AQR: variants seen among roughly 807,000 people sequenced by gnomAD.
The protein encoded by AQR is RNA helicase aquarius.
A neutral mutation model predicts 180.5 loss-of-function variants in AQR; 61 were observed. That is an observed-to-expected ratio of 0.34 (90% CI 0.28 to 0.42). The LOEUF (loss-of-function observed/expected upper bound fraction) is 0.42. AQR is among the 10% of genes least tolerant of loss of function. The pLI is 1.00. For missense variants in AQR, 1,281 were observed against 1,798.3 expected (o/e 0.71, Z 5.20); for synonymous variants, 551 against 588.8 (o/e 0.94, Z 0.93).
chr15:34,889,957 T>C (rs1267815073), intron 24 of AQR, among the ~76,000 whole-genome samples: 2 of 152,152 alleles, frequency 1.3e-5, no homozygotes, highest in Non-Finnish European at 2.9e-5. Flanking sequence ...CAAAAGGCAA[T>C]CTGTTAAAAA....
At chr15:34,943,671 T>C (rs1894064893) in intron 6 of AQR, among the ~76,000 whole-genome samples, 1 of 152,080 alleles carries the variant, frequency 6.6e-6, no homozygotes, top group African/African-American at 2.4e-5. Flanking sequence ...GAATTATCAA[T>C]TCAGAGGCAC....
At chr15:34,941,202 T>C (rs1421453785) in intron 7 of AQR, among the ~76,000 whole-genome samples, 1 of 152,212 alleles carries the variant, frequency 6.6e-6, no homozygotes, top group Non-Finnish European at 1.5e-5. Context: ...CTCTTGTTAA[T>C]AAAAATACAA....
chr15:34,933,668 T>C (rs1193644708), intron 10 of AQR, among the ~76,000 whole-genome samples: 3 of 152,202 alleles, frequency 2.0e-5, no homozygotes, highest in African/African-American at 7.2e-5. Flanking sequence ...GTTTAATAAC[T>C]ATACTATGTA....
At chr15:34,932,554 A>AT in intron 10 of AQR, 120 bp from the exon 11 acceptor site, 1 of 679,246 alleles carries the variant, frequency 1.5e-6, no homozygotes, top group Non-Finnish European at 2.5e-6. Flanking sequence ...CAACCTTCCA[A>AT]TAGACACACT....
rs187610278 is a variant in AQR at position 34,856,268 on chromosome 15, A to G, written c.*524T>C. ...GGCATTCTAAGATTTGAGAGAAGGA[A>G]ATGCATGTAACCACTTTGATAGATT... On this transcript the variant is annotated 3_prime_UTR_variant, in exon 35 of 35. Coordinates refer to ENST00000156471, the MANE Select transcript of AQR (RefSeq NM_014691.3). 1.3e-5 allele frequency: 4 copies of G among 308,392 alleles called. No individual in the cohort carries two copies. In the East Asian group the frequency reaches 2.0e-4, roughly 16 times the overall value. The allele number at this position is 308,392 out of a possible 1,614,324, so 19.1% of individuals were successfully genotyped here.
At chr15:34,867,418 T>C in intron 32 of AQR, 106 bp downstream of exon 32, 1 of 943,154 alleles carries the variant, frequency 1.1e-6, no homozygotes, top group South Asian at 1.5e-5. Context: ...TGCCTAGTAA[T>C]TATAGTTTAA....
Position 34,930,372 on chromosome 15 carries a change from C to CT in AQR, c.901-2dup, listed in dbSNP as rs750372473. The CT allele has an allele frequency of 4.6e-6, 7 of 1,516,200 alleles. No individual in the cohort carries two copies. Among genetic ancestry groups the CT allele is most frequent in the African/African-American group, 1.4e-5 (1 of 72,998 alleles). 93.9% of individuals were successfully genotyped at this position (1,516,200 alleles called of 1,614,324 possible). A position where few individuals can be genotyped will look rare whatever the true frequency, so the allele number is the denominator to read the frequency against. The stretch of plus-strand genomic sequence containing the variant: ...TATAGAATTTAAGCATGTCCAAAAG[C>CT]TGAAGAAACACATTTACATGTATAA... On this transcript the variant is annotated splice_acceptor_variant, in intron 11 of 34. Coordinates refer to ENST00000156471, the MANE Select transcript of AQR (RefSeq NM_014691.3). LOFTEE classifies it high-confidence loss of function.
intron 16 of AQR, 77 bp downstream of exon 16, chr15:34,914,961 T>C: frequency 7.1e-7 from 1 of 1,411,396 alleles, no homozygotes; most frequent in Non-Finnish European, 9.4e-7. Context: ...TTTCTAAATA[T>C]ACTTATAAGG....
chr15:34,852,664 G>A lies in AQR; in HGVS notation c.*4128C>T, dbSNP rs987007553. The A allele has an allele frequency of 9.9e-5, 15 of 152,198 alleles. No individual in the cohort carries two copies. Among genetic ancestry groups the A allele is most frequent in the African/African-American group, 3.6e-4 (15 of 41,452 alleles). The allele number at this position is 152,198 out of a possible 1,614,324, so 9.4% of individuals were successfully genotyped here. ...TGATTCTTTCCAGTGGGACATCTGA[G>A]AGTCTTTAATTAGCTAACAGTGCAT... On this transcript the variant is annotated 3_prime_UTR_variant, in exon 35 of 35. Transcript: ENST00000156471.
chr15:34,935,900 T>A (rs963564860), intron 9 of AQR, among the ~76,000 whole-genome samples: 5 of 152,376 alleles, frequency 3.3e-5, no homozygotes, highest in African/African-American at 1.2e-4. Context: ...CTTGTAACTG[T>A]CAAAGGAAAA....
intron 12 of AQR, among the ~76,000 whole-genome samples, chr15:34,927,550 T>C (rs1566991068): frequency 6.6e-6 from 1 of 152,234 alleles, no homozygotes; most frequent in Non-Finnish European, 1.5e-5. Context: ...AAACTTATGC[T>C]TGTGCCTTGC....
chr15:34,881,355 C>G (rs8025680), intron 27 of AQR, among the ~76,000 whole-genome samples: 52 of 152,204 alleles, frequency 3.4e-4, no homozygotes, highest in African/African-American at 1.3e-3. Context: ...TTATTTAGCG[C>G]CTATCTTTCA....
intron 5 of AQR, among the ~76,000 whole-genome samples, chr15:34,947,563 CA>C (rs11324647): frequency 0.1 from 14,735 of 146,892 alleles, 968 homozygotes; most frequent in African/African-American, 0.18. Context: ...AAAAATAAGA[CA>C]AAAAAAATAA....
At chr15:34,872,909 A>C (rs1222336509) in intron 30 of AQR, among the ~76,000 whole-genome samples, 2 of 152,108 alleles carry the variant, frequency 1.3e-5, no homozygotes, top group Non-Finnish European at 2.9e-5. Context: ...CTATATTTTG[A>C]TGTATATGCT....
chr15:34,946,139 C>A (rs1228183697), intron 5 of AQR, among the ~76,000 whole-genome samples: 1 of 152,052 alleles, frequency 6.6e-6, no homozygotes, highest in African/African-American at 2.4e-5. Flanking sequence ...GGCATGGTGG[C>A]GGGCACCTGT....
chr15:34,952,799 T>A, intron 4 of AQR, 86 bp downstream of exon 4: 1 of 906,302 alleles, frequency 1.1e-6, no homozygotes. Flanking sequence ...TAGATTTTCT[T>A]AGTGACTCAC....
chr15:34,924,414 T>C (rs1893726250), intron 13 of AQR, among the ~76,000 whole-genome samples: 1 of 152,050 alleles, frequency 6.6e-6, no homozygotes, highest in African/African-American at 2.4e-5. Context: ...GGCTAACATA[T>C]AATAGATTTC....
chr15:34,877,657 T>C (rs182432903), intron 27 of AQR, among the ~76,000 whole-genome samples: 175 of 152,298 alleles, frequency 1.1e-3, no homozygotes, highest in Admixed American at 1.8e-3. Context: ...ATTCTGAAAA[T>C]ATAATGCAAT....
chr15:34,932,518 G>T, intron 10 of AQR, 84 bp from the exon 11 acceptor site: 1 of 989,118 alleles, frequency 1.0e-6, no homozygotes, highest in Non-Finnish European at 1.5e-6. Flanking sequence ...TAACTCTCAA[G>T]TATTAATCAC....
Sources: allele counts gnomAD v4.1 joint callset (sites outside exome capture counted in the v4.1 genomes callset), GRCh38; gene constraint gnomAD v4.1.1; transcripts MANE v1.5; gene names NCBI Gene and HGNC (gene_info 2026-07-23, HGNC 2026-07-21).